AGAP1: variants seen among roughly 807,000 people sequenced by gnomAD.
The protein encoded by AGAP1 is arf-GAP with GTPase, ANK repeat and PH domain-containing protein 1.
Under a neutral mutation model 105.3 loss-of-function variants are expected in AGAP1, and 29 were observed. That is an observed-to-expected ratio of 0.28 (90% CI 0.21 to 0.38). The LOEUF is 0.38. Ranked by LOEUF, AGAP1 falls within the 10% of genes least tolerant of loss-of-function variation. The pLI is 1.00. For synonymous variants in AGAP1, 509 were observed against 485.9 expected (o/e 1.05, Z -0.63); for missense variants, 998 against 1,165.1 (o/e 0.86, Z 2.09).
chr2:235,857,020 A>G (rs1002795623), intron 9 of AGAP1, among the ~76,000 whole-genome samples: 2 of 152,194 alleles, frequency 1.3e-5, no homozygotes, highest in African/African-American at 4.8e-5. Context: ...GGATTTGTGT[A>G]AGTGATCTCC....
At chr2:235,606,314 T>A (rs1434023119) in intron 1 of AGAP1, among the ~76,000 whole-genome samples, 1 of 152,174 alleles carries the variant, frequency 6.6e-6, no homozygotes, top group Non-Finnish European at 1.5e-5. Context: ...TGAGAGCCGA[T>A]CATGTATCTG....
intron 1 of AGAP1, among the ~76,000 whole-genome samples, chr2:235,613,702 A>T (rs182354694): frequency 6.6e-6 from 1 of 152,258 alleles, no homozygotes; most frequent in Non-Finnish European, 1.5e-5. Flanking sequence ...TATTGCTATT[A>T]TTCCAGGTGA....
rs1575166829 is a variant in AGAP1, at chr2:235,701,249, G to A, written c.164-7930G>A. Among the ~76,000 whole-genome samples, 2 of 151,876 alleles carry A rather than the reference G, an allele frequency of 1.3e-5. No individual in the cohort carries two copies. The highest frequency in any genetic ancestry group is 1.9e-4 in the East Asian group (1 of 5,200). ...AAATCCTCTAGAGCCCATTTGGGCC[G>A]GCAAACTTTTGCCTTGGGATTTCCT... On this transcript the variant is annotated intron_variant, in intron 1 of 17. Transcript: ENST00000304032. The surrounding 1 kb of genome is among the most constrained non-coding windows in gnomAD (Gnocchi z 4.1).
intron 1 of AGAP1, among the ~76,000 whole-genome samples, chr2:235,568,517 A>G (rs948676183): frequency 7.2e-5 from 11 of 152,148 alleles, no homozygotes; most frequent in African/African-American, 2.2e-4. Flanking sequence ...TGGGATGGAC[A>G]TGGACTCGTG....
rs1314502840 is a variant in AGAP1 at position 236,121,259 on chromosome 2, G to A, written c.2370+812G>A. ...CAGCAGCACGTTCTACAGCAGCATG[G>A]GTAGAGTGCAGCAGGTTTCTGCATG... On this transcript the variant is annotated intron_variant, in intron 17 of 17. Transcript: ENST00000304032. The surrounding 1 kb of genome is among the most constrained non-coding windows in gnomAD (Gnocchi z 4.9). Among the ~76,000 whole-genome samples the A allele has an allele frequency of 6.6e-6, 1 of 152,192 alleles. No homozygotes were observed. The highest frequency in any genetic ancestry group is 1.9e-4 in the East Asian group (1 of 5,178).
At chr2:235,944,850 A>G (rs888982988) in intron 12 of AGAP1, among the ~76,000 whole-genome samples, 1 of 152,126 alleles carries the variant, frequency 6.6e-6, no homozygotes, top group Admixed American at 6.5e-5. Flanking sequence ...CTGACCACAC[A>G]TTCTGGAAAA....
At chr2:235,795,235 T>C (rs1957190413) in intron 6 of AGAP1, among the ~76,000 whole-genome samples, 1 of 152,182 alleles carries the variant, frequency 6.6e-6, no homozygotes, top group Non-Finnish European at 1.5e-5. Context: ...GGATGGCAGT[T>C]GTCATACTAG....
At chr2:235,966,405 C>A (rs2054400482) in intron 12 of AGAP1, among the ~76,000 whole-genome samples, 1 of 152,122 alleles carries the variant, frequency 6.6e-6, no homozygotes, top group African/African-American at 2.4e-5. Flanking sequence ...GGTGGAGTCA[C>A]AACAGAGGCA....
rs188538638 is a variant in AGAP1, at chr2:235,691,903, C to T, written c.164-17276C>T. On this transcript the variant is annotated intron_variant, in intron 1 of 17. Coordinates refer to ENST00000304032, the MANE Select transcript of AGAP1 (RefSeq NM_001037131.3). This position sits in a 1 kb window ranked among gnomAD's most constrained non-coding sequence, Gnocchi z 4.4. ...TAGAGGCAAGGCAGGGATGCAAAATCGGAGTTCCTAGTAGAAACAGACATG... is the reference window on the plus strand; with the variant it reads ...TAGAGGCAAGGCAGGGATGCAAAATTGGAGTTCCTAGTAGAAACAGACATG... Among the ~76,000 whole-genome samples the T allele has an allele frequency of 2.6e-5, 4 of 152,278 alleles. No individual in the cohort carries two copies. Among genetic ancestry groups the T allele is most frequent in the East Asian group, 1.9e-4 (1 of 5,182 alleles).
In AGAP1 at chr2:235,855,542, A is replaced by G. The variant is rs2048652363; in HGVS notation, c.1051-27803A>G. ...AAAGTTGAGTTATAGTAAATTTAAA[A>G]TCGAGCAATTTCTGCTTTAAATATA... is the stretch of plus-strand genomic sequence containing the variant. On this transcript the variant is annotated intron_variant, in intron 9 of 17. Coordinates refer to ENST00000304032, the MANE Select transcript of AGAP1 (RefSeq NM_001037131.3). The surrounding 1 kb of genome is among the most constrained non-coding windows in gnomAD (Gnocchi z 5.0). Among the ~76,000 whole-genome samples the G allele has an allele frequency of 6.6e-6, 1 of 152,244 alleles. No homozygotes were observed. The highest frequency in any genetic ancestry group is 1.5e-5 in the Non-Finnish European group (1 of 68,040).
intron 1 of AGAP1, among the ~76,000 whole-genome samples, chr2:235,564,652 CACCACCCAGGGCCAGGTGTGAGCCTGG>C (rs1944282720): frequency 6.8e-6 from 1 of 147,666 alleles, no homozygotes; most frequent in Non-Finnish European, 1.5e-5. Context: ...GAGCCTGGAC[CACCACCCAGGGCCAGGTGTGAGCCTGG>C]ACCACCACCC....
At position 235,753,075 on chromosome 2, in the gene AGAP1, A is replaced by G. The variant is rs1307722607; in HGVS notation, c.673+2587A>G. 1.3e-5 allele frequency among the ~76,000 whole-genome samples: 2 copies of G among 152,200 alleles called. No homozygotes were observed. Among genetic ancestry groups the G allele is most frequent in the Admixed American group, 1.3e-4 (2 of 15,282 alleles). Reference sequence around the variant, plus strand: ...CCACCCTTGTGATCAGTCACCTGGCAGAGGCCCCACCTCTTATTCCCCTGG... The same window carrying G: ...CCACCCTTGTGATCAGTCACCTGGCGGAGGCCCCACCTCTTATTCCCCTGG... On this transcript the variant is annotated intron_variant, in intron 6 of 17. Transcript: ENST00000304032. This position sits in a 1 kb window ranked among gnomAD's most constrained non-coding sequence, Gnocchi z 4.5.
Position 236,124,547 on chromosome 2 carries a change from G to T in AGAP1, c.*425G>T. The T allele has an allele frequency of 4.4e-6, 1 of 224,748 alleles. No individual in the cohort carries two copies. Among genetic ancestry groups the T allele is most frequent in the Non-Finnish European group, 8.9e-6 (1 of 112,700 alleles). 13.9% of individuals were successfully genotyped at this position (224,748 alleles called of 1,614,324 possible). ...TTCCCCTCTACCAAACGGAACACTT[G>T]GATTCCATCTCTTCTCTGAGGAGCT... is the stretch of plus-strand genomic sequence containing the variant. On this transcript the variant is annotated 3_prime_UTR_variant, in exon 18 of 18. Coordinates refer to ENST00000304032, the MANE Select transcript of AGAP1 (RefSeq NM_001037131.3). This position sits in a 1 kb window ranked among gnomAD's most constrained non-coding sequence, Gnocchi z 5.1.
intron 3 of AGAP1, among the ~76,000 whole-genome samples, chr2:235,727,233 A>T (rs1410304403): frequency 1.3e-5 from 2 of 152,062 alleles, no homozygotes; most frequent in East Asian, 3.9e-4. Context: ...CAGGAGTATG[A>T]TAGACTAGGG....
intron 13 of AGAP1, among the ~76,000 whole-genome samples, chr2:236,029,345 G>A (rs1238652349): frequency 2.7e-5 from 4 of 150,460 alleles, no homozygotes; most frequent in Admixed American, 6.6e-5. Flanking sequence ...GCGTGATCTC[G>A]GCTCACTGCA....
intron 1 of AGAP1, among the ~76,000 whole-genome samples, chr2:235,496,009 C>T (rs915180481): frequency 6.6e-6 from 1 of 152,238 alleles, no homozygotes; most frequent in African/African-American, 2.4e-5. Flanking sequence ...CCTCCTCCCT[C>T]TGTGAGGGAG....
chr2:235,532,702 T>TA (rs1943084865), intron 1 of AGAP1, among the ~76,000 whole-genome samples: 1 of 152,160 alleles, frequency 6.6e-6, no homozygotes, highest in East Asian at 1.9e-4. Flanking sequence ...ATGCTTTAAA[T>TA]AAAAAATGGC....
At chr2:235,528,183 A>C (rs1559225592) in intron 1 of AGAP1, among the ~76,000 whole-genome samples, 1 of 152,108 alleles carries the variant, frequency 6.6e-6, no homozygotes, top group Non-Finnish European at 1.5e-5. Context: ...TTTACCCTCT[A>C]AGGAGAATAG....
Position 235,553,648 on chromosome 2 carries a change from C to T in AGAP1, c.163+58799C>T, listed in dbSNP as rs1257888534. On this transcript the variant is annotated intron_variant, in intron 1 of 17. Coordinates refer to ENST00000304032, the MANE Select transcript of AGAP1 (RefSeq NM_001037131.3). The surrounding 1 kb of genome is among the most constrained non-coding windows in gnomAD (Gnocchi z 4.5). ...TCCCTGGTGACCCAGGTACAGTTTACGTCTGGAGCCAGCATTTGGAAAGTT... is the reference window on the plus strand; with the variant it reads ...TCCCTGGTGACCCAGGTACAGTTTATGTCTGGAGCCAGCATTTGGAAAGTT... 6.6e-6 allele frequency among the ~76,000 whole-genome samples: 1 copy of T among 151,998 alleles called. No individual in the cohort carries two copies. Among genetic ancestry groups the T allele is most frequent in the East Asian group, 1.9e-4 (1 of 5,154 alleles).
Sources: gnomAD v4.1 joint callset for allele counts (sites outside exome capture counted in the v4.1 genomes callset) on GRCh38, gnomAD v4.1.1 for gene constraint, Gnocchi (gnomAD v3.1) non-coding constraint, MANE v1.5 for transcripts, NCBI Gene and HGNC (gene_info 2026-07-23, HGNC 2026-07-21) for gene names.